The following SEC14L4 variants were observed in gnomAD, a reference collection of about 807,000 sequenced individuals.
SEC14L4 encodes the protein SEC14 like lipid binding 4.
A neutral mutation model predicts 55.1 loss-of-function variants in SEC14L4; 42 were observed. That is an observed-to-expected ratio of 0.76 (90% CI 0.60 to 0.99). SEC14L4 has a LOEUF of 0.99. Ranked by LOEUF, SEC14L4 falls within the 50% of genes least tolerant of loss-of-function variation. The pLI is 0.00. For missense variants in SEC14L4, 445 were observed against 512.1 expected (o/e 0.87, Z 1.27); for synonymous variants, 206 against 206.8 (o/e 1.00, Z 0.03).
At chr22:30,493,983 G>A (rs1936052519) in intron 7 of SEC14L4, among the ~76,000 whole-genome samples, 167 bp downstream of exon 7, 1 of 152,116 alleles carries the variant, frequency 6.6e-6, no homozygotes, top group African/African-American at 2.4e-5. Flanking sequence ...CGGCCTGGGT[G>A]ACAGAGGGAG....
intron 2 of SEC14L4, among the ~76,000 whole-genome samples, chr22:30,496,683 C>T (rs2146184956): frequency 6.6e-6 from 1 of 152,294 alleles, no homozygotes; most frequent in South Asian, 2.1e-4. Context: ...GAGCAAGTCA[C>T]TTACCTTCTC....
chr22:30,505,124 T>C (rs1601861744), intron 1 of SEC14L4, among the ~76,000 whole-genome samples: 2 of 122,098 alleles, frequency 1.6e-5, no homozygotes, highest in Admixed American at 9.0e-5. Context: ...AGAGCAAGAC[T>C]CCATCTCAAA....
rs770960654 is a variant in SEC14L4 at position 30,495,578 on chromosome 22, C to G, written c.234+5G>C. 6.2e-7 allele frequency: 1 copy of G among 1,613,886 alleles called. No homozygotes were observed. Among genetic ancestry groups the G allele is most frequent in the East Asian group, 2.2e-5 (1 of 44,868 alleles). ...ATGGCCTGGGGGATGCTGCTCGAGGCTCACCTCAGGGGGCTGCCATGTGAC... is the reference window on the plus strand; with the variant it reads ...ATGGCCTGGGGGATGCTGCTCGAGGGTCACCTCAGGGGGCTGCCATGTGAC... On this transcript the variant is annotated splice_donor_5th_base_variant and intron_variant, in intron 4 of 11. Coordinates refer to ENST00000255858, the MANE Select transcript of SEC14L4 (RefSeq NM_174977.4).
chr22:30,497,227 TA>T (rs1182222458), intron 2 of SEC14L4, among the ~76,000 whole-genome samples: 1 of 152,074 alleles, frequency 6.6e-6, no homozygotes, highest in African/African-American at 2.4e-5. Context: ...TAATCCCAGC[TA>T]CTCAGGAGGC....
At position 30,489,668 on chromosome 22, in the gene SEC14L4, G is replaced by T; in HGVS notation, c.*439C>A. On this transcript the variant is annotated 3_prime_UTR_variant, in exon 12 of 12. Coordinates refer to ENST00000255858, the MANE Select transcript of SEC14L4 (RefSeq NM_174977.4). The stretch of plus-strand genomic sequence containing the variant: ...CACCCCTGCTGACCTCCTACATGCA[G>T]AGAACAGGGCTTCTCTGCTCTTCAG... 2 of 619,012 alleles carry T rather than the reference G, an allele frequency of 3.2e-6. No homozygotes were observed. Among genetic ancestry groups the T allele is most frequent in the Non-Finnish European group, 5.8e-6 (2 of 347,814 alleles). 38.3% of individuals were successfully genotyped at this position (619,012 alleles called of 1,614,324 possible).
rs192426223 is a variant in SEC14L4 at position 30,491,366 on chromosome 22, C to T, written c.1081+207G>A. 1,967 of 621,910 alleles carry T rather than the reference C, an allele frequency of 3.2e-3. 31 individuals carry two copies. Among genetic ancestry groups the T allele is most frequent in the South Asian group, 0.023 (1,147 of 49,466 alleles). The allele number at this position is 621,910 out of a possible 1,614,324, so 38.5% of individuals were successfully genotyped here. On this transcript the variant is annotated intron_variant, in intron 11 of 11. Coordinates refer to ENST00000255858, the MANE Select transcript of SEC14L4 (RefSeq NM_174977.4). ...GCTTCTTAGGAGCTGAGCCCAAGGC[C>T]CTAGGTTCTGAATACCAGCTCTTCC...
At chr22:30,503,570 G>A in intron 2 of SEC14L4, 107 bp downstream of exon 2, 1 of 733,090 alleles carries the variant, frequency 1.4e-6, no homozygotes, top group South Asian at 1.9e-5. Flanking sequence ...GCAAGCCTGT[G>A]TTCTTTACTA....
chr22:30,490,359 C>A, intron 11 of SEC14L4, 113 bp from the exon 12 acceptor site: 1 of 1,524,638 alleles, frequency 6.6e-7, no homozygotes. Flanking sequence ...ATCCCTGGAA[C>A]GTCCTGCATC....
chr22:30,496,022 C>G, intron 2 of SEC14L4, 51 bp from the exon 3 acceptor site: 4 of 1,561,900 alleles, frequency 2.6e-6, no homozygotes, highest in Non-Finnish European at 3.5e-6. Context: ...CAGAAAGAGC[C>G]CTTCCCTAAA....
chr22:30,493,695 G>A (rs1936041722), intron 7 of SEC14L4, among the ~76,000 whole-genome samples: 1 of 152,128 alleles, frequency 6.6e-6, no homozygotes, highest in African/African-American at 2.4e-5. Context: ...AGTCTGTGAA[G>A]GACTGAAACT....
intron 2 of SEC14L4, among the ~76,000 whole-genome samples, chr22:30,499,759 A>G (rs748833629): frequency 5.9e-5 from 9 of 152,158 alleles, no homozygotes; most frequent in Non-Finnish European, 8.8e-5. Context: ...TAATAATAAA[A>G]TGAAATAAAA....
At position 30,490,238 on chromosome 22, in the gene SEC14L4, G is replaced by A. The variant is rs371346075; in HGVS notation, c.1090C>T (p.Arg364Cys). 100 of 1,613,226 alleles carry A rather than the reference G, an allele frequency of 6.2e-5. No homozygotes were observed. Among genetic ancestry groups the A allele is most frequent in the South Asian group, 5.6e-4 (51 of 91,088 alleles). The change falls in exon 12 of 12, where the codon CGC becomes TGC. Residue 364 changes from arginine (R) to cysteine (C), a missense_variant. Arg to Cys is a radical substitution (Grantham distance 180). Transcript: ENST00000255858. ...ATCCGGCTGTAGGTGTTGTCGAAGC[G>A]CAGGACATCTGCAGTGATGGAGAGG... Reference protein sequence around the residue: ...TCLQAGVYVLRFDNTYSRMHA... With the variant: ...TCLQAGVYVLCFDNTYSRMHA...
chr22:30,491,387 C>T, intron 11 of SEC14L4, 186 bp downstream of exon 11: 1 of 665,038 alleles, frequency 1.5e-6, no homozygotes, highest in Non-Finnish European at 2.5e-6. Flanking sequence ...AATACCAGCT[C>T]TTCCCCCACA....
At chr22:30,502,129 G>A (rs1183766720) in intron 2 of SEC14L4, among the ~76,000 whole-genome samples, 4 of 151,776 alleles carry the variant, frequency 2.6e-5, no homozygotes, top group Non-Finnish European at 2.9e-5. Flanking sequence ...GCCTCCCAAA[G>A]TGCTGGGATT....
At chr22:30,498,343 T>G (rs907790826) in intron 2 of SEC14L4, among the ~76,000 whole-genome samples, 6 of 152,044 alleles carry the variant, frequency 3.9e-5, no homozygotes, top group Non-Finnish European at 8.8e-5. Flanking sequence ...TCAAGCGATC[T>G]GCCTGCCTTG....
intron 5 of SEC14L4, 120 bp downstream of exon 5, chr22:30,495,134 A>G (rs1007477654): frequency 1.8e-6 from 2 of 1,097,534 alleles, no homozygotes; most frequent in Non-Finnish European, 2.6e-6. Flanking sequence ...GGGTGGGAGA[A>G]GCCCACATTC....
In SEC14L4 at chr22:30,500,754, A is replaced by ATTTTTTTTTTTTT. The variant is rs531954470; in HGVS notation, c.130+2910_130+2922dup. Among the ~76,000 whole-genome samples, 6 of 79,506 alleles carry ATTTTTTTTTTTTT rather than the reference A, an allele frequency of 7.5e-5. 1 individual carries two copies. The highest frequency in any genetic ancestry group is 1.0e-4 in the African/African-American group (2 of 19,380). The allele number at this position is 79,506 out of a possible 152,430, so 52.2% of individuals were successfully genotyped here. On this transcript the variant is annotated intron_variant, in intron 2 of 11. Coordinates refer to ENST00000255858, the MANE Select transcript of SEC14L4 (RefSeq NM_174977.4). ...AATGCTCATGGGATATGAGAACAGA[A>ATTTTTTTTTTTTT]TTTTTTTTTTTTTTTTTTTTTTTTT... is the stretch of plus-strand genomic sequence containing the variant.
intron 2 of SEC14L4, among the ~76,000 whole-genome samples, chr22:30,501,381 AG>A (rs1936316049): frequency 6.6e-6 from 1 of 152,190 alleles, no homozygotes; most frequent in Non-Finnish European, 1.5e-5. Flanking sequence ...GGGCACACCA[AG>A]CACCCCAAAA....
intron 2 of SEC14L4, among the ~76,000 whole-genome samples, chr22:30,498,990 G>T (rs1936236935): frequency 1.3e-5 from 2 of 151,888 alleles, no homozygotes; most frequent in African/African-American, 2.4e-5. Flanking sequence ...GCCCAGGCTG[G>T]AGTGCAGTGG....
Sources: gnomAD v4.1 joint callset for allele counts (sites outside exome capture counted in the v4.1 genomes callset) on GRCh38, gnomAD v4.1.1 for gene constraint, MANE v1.5 for transcripts, NCBI Gene and HGNC (gene_info 2026-07-23, HGNC 2026-07-21) for gene names.